SUPT3H: variants seen among roughly 807,000 people sequenced by gnomAD.
The protein encoded by SUPT3H is transcription initiation protein SPT3 homolog.
In SUPT3H, 44 loss-of-function variants were observed where a neutral mutation model predicts 44.3. The ratio of observed to expected loss-of-function variants is 0.99; its 90% confidence interval spans 0.78 to 1.28. SUPT3H has a LOEUF of 1.28. Among genes scored for constraint, SUPT3H ranks in the 50% most tolerant of loss-of-function variants. SUPT3H has a pLI of 0.00. For missense variants in SUPT3H, 380 were observed against 387.1 expected (o/e 0.98, Z 0.15); for synonymous variants, 124 against 125.6 (o/e 0.99, Z 0.09).
At chr6:45,157,098 C>T (rs1303375862) in intron 2 of SUPT3H, among the ~76,000 whole-genome samples, 1 of 152,068 alleles carries the variant, frequency 6.6e-6, no homozygotes, top group Non-Finnish European at 1.5e-5. Context: ...TGTTAAAACA[C>T]TGGTGAAATC....
intron 2 of SUPT3H, among the ~76,000 whole-genome samples, chr6:45,316,284 C>G (rs1354620575): frequency 6.6e-6 from 1 of 151,840 alleles, no homozygotes; most frequent in Non-Finnish European, 1.5e-5. Flanking sequence ...AGAACTTACT[C>G]ATGTAACCAA....
intron 10 of SUPT3H, among the ~76,000 whole-genome samples, chr6:44,835,578 T>C (rs1260673305): frequency 6.6e-6 from 1 of 151,862 alleles, no homozygotes; most frequent in Non-Finnish European, 1.5e-5. Context: ...GGTAGGGAGG[T>C]AGTAGAATAA....
intron 2 of SUPT3H, among the ~76,000 whole-genome samples, chr6:45,179,621 C>A (rs1677767542): frequency 6.6e-6 from 1 of 152,126 alleles, no homozygotes; most frequent in South Asian, 2.1e-4. Context: ...GAACCAAAGA[C>A]AAAAACCACA....
At chr6:45,000,086 AC>A (rs1781819492) in intron 6 of SUPT3H, among the ~76,000 whole-genome samples, 1 of 149,590 alleles carries the variant, frequency 6.7e-6, no homozygotes, top group East Asian at 1.9e-4. Context: ...ATGTATATAC[AC>A]AGATATATAC....
intron 7 of SUPT3H, among the ~76,000 whole-genome samples, chr6:44,960,131 T>C (rs1293440756): frequency 6.6e-6 from 1 of 152,056 alleles, no homozygotes; most frequent in Non-Finnish European, 1.5e-5. Context: ...TATTTTTTAA[T>C]CTACTATAGT....
chr6:44,880,383 G>A (rs542437994), intron 10 of SUPT3H, among the ~76,000 whole-genome samples: 117 of 152,182 alleles, frequency 7.7e-4, no homozygotes, highest in Admixed American at 1.8e-3. Flanking sequence ...AGAGAAAAAA[G>A]AATGAAAAGG....
intron 2 of SUPT3H, among the ~76,000 whole-genome samples, chr6:45,336,031 A>C (rs1788479219): frequency 6.6e-6 from 1 of 151,272 alleles, no homozygotes; most frequent in Non-Finnish European, 1.5e-5. Flanking sequence ...ATGTACTCCA[A>C]CTTTTGATCA....
intron 2 of SUPT3H, among the ~76,000 whole-genome samples, chr6:45,165,911 A>G (rs778613752): frequency 1.4e-4 from 22 of 152,352 alleles, no homozygotes; most frequent in Non-Finnish European, 2.9e-4. Context: ...AAGAGAAGAA[A>G]TAAGATGCAT....
At chr6:45,116,364 C>T (rs1800844047) in intron 2 of SUPT3H, among the ~76,000 whole-genome samples, 1 of 152,106 alleles carries the variant, frequency 6.6e-6, no homozygotes, top group Admixed American at 6.5e-5. Flanking sequence ...CTCTCTCTCT[C>T]TTAAAAATTA....
chr6:44,893,396 G>T (rs1021910059), intron 10 of SUPT3H, among the ~76,000 whole-genome samples: 2 of 141,718 alleles, frequency 1.4e-5, no homozygotes, highest in Non-Finnish European at 3.0e-5. Flanking sequence ...CCCCACAACA[G>T]TCCCCAGAGT....
chr6:44,987,845 G>A (rs1387289121), intron 6 of SUPT3H, among the ~76,000 whole-genome samples: 1 of 152,082 alleles, frequency 6.6e-6, no homozygotes, highest in Non-Finnish European at 1.5e-5. Flanking sequence ...GAGAATGAGT[G>A]AACTAGGAAT....
At chr6:45,168,301 G>C (rs1379381903) in intron 2 of SUPT3H, among the ~76,000 whole-genome samples, 1 of 152,126 alleles carries the variant, frequency 6.6e-6, no homozygotes. Flanking sequence ...CTTGGGATCG[G>C]AAGTGTTTAG....
At chr6:45,027,411 T>TA (rs1240679573) in intron 3 of SUPT3H, among the ~76,000 whole-genome samples, 1 of 152,194 alleles carries the variant, frequency 6.6e-6, no homozygotes, top group Non-Finnish European at 1.5e-5. Context: ...TGAGCATAGT[T>TA]ATGATAGCTG....
At chr6:45,109,088 T>C (rs982313509) in intron 2 of SUPT3H, among the ~76,000 whole-genome samples, 2 of 152,162 alleles carry the variant, frequency 1.3e-5, no homozygotes, top group African/African-American at 2.4e-5. Context: ...GAGACAGGAA[T>C]AGTCAAAACA....
chr6:45,097,799 G>C (rs929281256), intron 3 of SUPT3H: 1 of 152,172 alleles, frequency 6.6e-6, no homozygotes, highest in Non-Finnish European at 1.5e-5. Flanking sequence ...GTCTGCCCTT[G>C]TATCTTCTTC....
intron 10 of SUPT3H, among the ~76,000 whole-genome samples, chr6:44,883,276 T>C (rs995277032): frequency 1.3e-5 from 2 of 152,126 alleles, no homozygotes; most frequent in African/African-American, 4.8e-5. Flanking sequence ...CCATTCACAA[T>C]TGCTACAAAG....
intron 10 of SUPT3H, among the ~76,000 whole-genome samples, chr6:44,909,124 GGTGTGTGTGTGTGTGTGCGTGTGT>G (rs1460298836): frequency 5.1e-5 from 6 of 117,128 alleles, no homozygotes; most frequent in African/African-American, 1.3e-4. Context: ...ATACCTAAGA[GGTGTGTGTGTGTGTGTGCGTGTGT>G]GTGTGTGTGT....
At chr6:45,323,609 C>T (rs1213442553) in intron 2 of SUPT3H, among the ~76,000 whole-genome samples, 2 of 152,046 alleles carry the variant, frequency 1.3e-5, no homozygotes, top group African/African-American at 4.8e-5. Flanking sequence ...ACGAAATATA[C>T]ATGACTATAC....
chr6:45,170,165 G>A (rs1362228317), intron 2 of SUPT3H, among the ~76,000 whole-genome samples: 1 of 152,190 alleles, frequency 6.6e-6, no homozygotes, highest in Non-Finnish European at 1.5e-5. Context: ...TCTTAAAAGT[G>A]CAAACTATCA....
Sources: gnomAD v4.1 joint callset for allele counts (sites outside exome capture counted in the v4.1 genomes callset) on GRCh38, gnomAD v4.1.1 for gene constraint, MANE v1.5 for transcripts, NCBI Gene and HGNC (gene_info 2026-07-23, HGNC 2026-07-21) for gene names.